STPG2: variants seen among roughly 807,000 people sequenced by gnomAD.
STPG2 encodes sperm-tail PG-rich repeat-containing protein 2.
Under a neutral mutation model 54.2 loss-of-function variants are expected in STPG2, and 56 were observed. The observed-to-expected ratio is 1.03, with a 90% CI of 0.83 to 1.29. The LOEUF (loss-of-function observed/expected upper bound fraction) is 1.29. STPG2 is among the 50% of genes most tolerant of loss of function. The pLI is 0.00. For synonymous variants in STPG2, 200 were observed against 181.8 expected (o/e 1.10, Z -0.81); for missense variants, 596 against 544.9 (o/e 1.09, Z -0.93).
intron 7 of STPG2, among the ~76,000 whole-genome samples, chr4:97,962,018 T>C (rs1356274596): frequency 1.3e-5 from 2 of 152,202 alleles, no homozygotes; most frequent in African/African-American, 4.8e-5. Flanking sequence ...AATGAAATAC[T>C]ACTCAGCAAT....
At chr4:97,822,937 A>G (rs1194016994) in intron 9 of STPG2, among the ~76,000 whole-genome samples, 3 of 152,182 alleles carry the variant, frequency 2.0e-5, no homozygotes, top group Non-Finnish European at 2.9e-5. Context: ...CCAAAGCATA[A>G]CCCAGAGAAA....
chr4:97,906,493 A>G lies in STPG2; in HGVS notation c.1044+37404T>C, dbSNP rs138019715. On this transcript the variant is annotated intron_variant, in intron 8 of 10. Coordinates refer to ENST00000295268, the MANE Select transcript of STPG2 (RefSeq NM_174952.3). ...ACTATTCCTATCAATAGAAAAAGAG[A>G]GAATCCTCCCTAACTCATTTTATCA... 3.4e-3 allele frequency among the ~76,000 whole-genome samples: 516 copies of G among 152,284 alleles called. 28 individuals are homozygous for G. In the East Asian group the frequency reaches 0.082, roughly 24 times the overall value.
chr4:97,694,224 C>T (rs2148991614), intron 10 of STPG2, among the ~76,000 whole-genome samples: 1 of 146,878 alleles, frequency 6.8e-6, no homozygotes, highest in African/African-American at 2.4e-5. Context: ...ATAAATCAAA[C>T]AAAAGGCCAG....
intron 8 of STPG2, among the ~76,000 whole-genome samples, chr4:97,919,242 A>G (rs138471969): frequency 5.3e-4 from 81 of 152,038 alleles, no homozygotes; most frequent in African/African-American, 1.9e-3. Context: ...TACATAATCA[A>G]AAAGAAAAGA....
At chr4:97,556,470 T>C (rs1732081052), downstream of STPG2, among the ~76,000 whole-genome samples, 1 of 152,194 alleles carries the variant, frequency 6.6e-6, no homozygotes, top group African/African-American at 2.4e-5. Context: ...GAAAATTACC[T>C]AATACAATTT....
intron 4 of STPG2, among the ~76,000 whole-genome samples, chr4:97,452,119 CA>C (rs1316317528): frequency 0.068 from 1,243 of 18,288 alleles, 26 homozygotes; most frequent in Non-Finnish European, 0.14. Flanking sequence ...GCCCCGCCCC[CA>C]CCCCCCCCCC....
chr4:97,800,540 G>A (rs946032506), intron 9 of STPG2, among the ~76,000 whole-genome samples: 1 of 152,190 alleles, frequency 6.6e-6, no homozygotes, highest in Non-Finnish European at 1.5e-5. Context: ...CGTTCCTCTG[G>A]AAGCTTCGTC....
At chr4:97,633,011 T>G (rs973151849) in intron 10 of STPG2, among the ~76,000 whole-genome samples, 1 of 152,068 alleles carries the variant, frequency 6.6e-6, no homozygotes, top group Non-Finnish European at 1.5e-5. Context: ...GATCAATAGA[T>G]AGACAGAGAT....
chr4:98,139,561 A>G (rs1236120021), intron 1 of STPG2, among the ~76,000 whole-genome samples: 2 of 152,124 alleles, frequency 1.3e-5, no homozygotes, highest in African/African-American at 4.8e-5. Context: ...GGTAGTTTGT[A>G]CCTAGGAAAG....
intron 9 of STPG2, among the ~76,000 whole-genome samples, chr4:97,782,918 C>T (rs1053586583): frequency 6.6e-6 from 1 of 152,134 alleles, no homozygotes; most frequent in Admixed American, 6.5e-5. Flanking sequence ...ACACCTTATA[C>T]AAAAATTAAT....
chr4:98,055,384 A>C (rs995074709), intron 5 of STPG2, among the ~76,000 whole-genome samples: 3 of 152,004 alleles, frequency 2.0e-5, no homozygotes, highest in Non-Finnish European at 2.9e-5. Flanking sequence ...AGGTGCTGAA[A>C]GTGTATGGAG....
intron 4 of STPG2, among the ~76,000 whole-genome samples, chr4:97,515,678 T>C (rs1168578370): frequency 6.6e-6 from 1 of 152,086 alleles, no homozygotes; most frequent in Non-Finnish European, 1.5e-5. Context: ...ATTGTTTTTT[T>C]TAACTTTTAA....
intron 6 of STPG2, among the ~76,000 whole-genome samples, chr4:97,975,972 G>C (rs994688812): frequency 6.6e-6 from 1 of 152,154 alleles, no homozygotes; most frequent in African/African-American, 2.4e-5. Context: ...TGACAAAAGA[G>C]TGTCACTGGG....
intron 10 of STPG2, among the ~76,000 whole-genome samples, chr4:97,695,702 C>G (rs1189089245): frequency 1.3e-5 from 2 of 151,440 alleles, no homozygotes; most frequent in Non-Finnish European, 2.9e-5. Context: ...TACACCAACA[C>G]TGATCAAGCT....
chr4:98,061,844 G>A (rs1737670070), intron 5 of STPG2, among the ~76,000 whole-genome samples: 1 of 152,156 alleles, frequency 6.6e-6, no homozygotes, highest in African/African-American at 2.4e-5. Context: ...ATACACTGTT[G>A]GTGGGAGTAT....
At chr4:98,090,771 C>T (rs1375901704) in intron 5 of STPG2, among the ~76,000 whole-genome samples, 3 of 151,818 alleles carry the variant, frequency 2.0e-5, no homozygotes, top group Non-Finnish European at 4.4e-5. Flanking sequence ...TCTTAGGTCC[C>T]CCTTCCTCCA....
At chr4:97,771,326 T>C (rs1289588115) in intron 9 of STPG2, among the ~76,000 whole-genome samples, 2 of 152,300 alleles carry the variant, frequency 1.3e-5, no homozygotes, top group East Asian at 3.9e-4. Context: ...GAAAACTCTG[T>C]GCCATGCTCT....
rs1448986605 is a variant in STPG2, at chr4:97,904,299, CCCGAGCA to C, written c.1044+39591_1044+39597del. Among the ~76,000 whole-genome samples the C allele has an allele frequency of 3.9e-5, 6 of 152,284 alleles. No individual in the cohort carries two copies. In the East Asian group the frequency reaches 1.2e-3, roughly 29 times the overall value. On this transcript the variant is annotated intron_variant, in intron 8 of 10. Coordinates refer to ENST00000295268, the MANE Select transcript of STPG2 (RefSeq NM_174952.3). ...TCAAGTGGGTCCCTGACCCCTGACC[CCCGAGCA>C]GCCTAACTGGGAGGCACCCCCCAGC...
intron 8 of STPG2, among the ~76,000 whole-genome samples, chr4:97,881,869 C>T (rs1730387588): frequency 6.6e-6 from 1 of 152,126 alleles, no homozygotes; most frequent in African/African-American, 2.4e-5. Context: ...TTTTTAATTT[C>T]AAAACTGATT....
Sources: allele counts gnomAD v4.1 joint callset (sites outside exome capture counted in the v4.1 genomes callset), GRCh38; gene constraint gnomAD v4.1.1; transcripts MANE v1.5; gene names NCBI Gene and HGNC (gene_info 2026-07-23, HGNC 2026-07-21).